Variants in IQCE observed in about 807,000 individuals in gnomAD.
IQCE encodes IQ domain-containing protein E.
Under a neutral mutation model 96.0 loss-of-function variants are expected in IQCE, and 115 were observed. That is an observed-to-expected ratio of 1.20 (90% CI 1.03 to 1.40). The LOEUF is 1.40. IQCE is among the 40% of genes most tolerant of loss of function. IQCE has a pLI of 0.00. For synonymous variants in IQCE, 412 were observed against 371.2 expected (o/e 1.11, Z -1.26); for missense variants, 1,041 against 909.1 (o/e 1.15, Z -1.87).
Position 2,578,209 on chromosome 7 carries a change from T to G in IQCE, c.466-33T>G, listed in dbSNP as rs200843660. 4.9e-4 allele frequency: 742 copies of G among 1,523,780 alleles called. 10 individuals are homozygous for G. The highest frequency in any genetic ancestry group is 9.4e-5 in the Non-Finnish European group (103 of 1,099,178). 94.4% of individuals were successfully genotyped at this position (1,523,780 alleles called of 1,614,324 possible). ...TGTGCGGCGTGTGCGCAGCTTCGTG[T>G]GGATGGCTGTGCATGGCCCTTGTTT... On this transcript the variant is annotated intron_variant, in intron 6 of 21. Transcript: ENST00000402050.
At position 2,594,873 on chromosome 7, in the gene IQCE, C is replaced by A; in HGVS notation, c.1350-13C>A. The stretch of plus-strand genomic sequence containing the variant: ...ACAGGTGAGGTGTCTCATCTTTTCC[C>A]TTTCCGCCTTAGAGAGGAGATTCAG... On this transcript the variant is annotated splice_polypyrimidine_tract_variant and intron_variant, in intron 15 of 21. Transcript: ENST00000402050. 2 of 1,597,488 alleles carry A rather than the reference C, an allele frequency of 1.3e-6. No individual in the cohort carries two copies. Among genetic ancestry groups the A allele is most frequent in the Non-Finnish European group, 1.7e-6 (2 of 1,164,840 alleles).
intron 2 of IQCE, among the ~76,000 whole-genome samples, chr7:2,568,096 C>T (rs1347945728): frequency 1.3e-5 from 2 of 152,192 alleles, no homozygotes; most frequent in Non-Finnish European, 2.9e-5. Flanking sequence ...CCCCAGGCCA[C>T]GGCACGACGG....
intron 14 of IQCE, among the ~76,000 whole-genome samples, chr7:2,592,775 C>T (rs78049712): frequency 8.3e-4 from 126 of 152,352 alleles, no homozygotes; most frequent in African/African-American, 2.7e-3. Context: ...GGCCTGATGG[C>T]AGGGCCTTCT....
chr7:2,610,053 C>G lies in IQCE; in HGVS notation c.1979C>G (p.Pro660Arg). The part of the protein sequence containing the change: ...PFLAALPDPS[P>R]SGPQALAPLP... The stretch of plus-strand genomic sequence containing the variant: ...TGGTTCATTTCTGCAGACCCCTCTC[C>G]CTCAGGGCCACAGGCCTTGGCACCT... The change falls in exon 22 of 22, where the codon CCC (proline) becomes CGC (arginine). Residue 660 changes from proline to arginine, a missense_variant. By Grantham distance (103) the Pro-to-Arg change is moderately radical. Coordinates refer to ENST00000402050, the MANE Select transcript of IQCE (RefSeq NM_152558.5). The G allele has an allele frequency of 6.3e-7, 1 of 1,592,330 alleles. No homozygotes were observed. Among genetic ancestry groups the G allele is most frequent in the Non-Finnish European group, 8.6e-7 (1 of 1,160,230 alleles).
chr7:2,594,467 G>A (rs1783862214), intron 15 of IQCE, among the ~76,000 whole-genome samples: 2 of 152,210 alleles, frequency 1.3e-5, no homozygotes, highest in Admixed American at 1.3e-4. Flanking sequence ...AGTGGTCCCT[G>A]CTTATTTATC....
At chr7:2,583,611 T>A (rs1269429789) in intron 9 of IQCE, 26 bp from the exon 10 acceptor site, 11 of 1,569,458 alleles carry the variant, frequency 7.0e-6, no homozygotes, top group Non-Finnish European at 9.6e-6. Context: ...GGCACATCCC[T>A]ATTAACGCTG....
Position 2,612,348 on chromosome 7 carries a change from C to T in IQCE, c.*2186C>T, listed in dbSNP as rs1190423211. The T allele has an allele frequency of 6.6e-6, 1 of 152,356 alleles. No individual in the cohort carries two copies. The highest frequency in any genetic ancestry group is 1.5e-5 in the Non-Finnish European group (1 of 68,136). The allele number at this position is 152,356 out of a possible 1,614,324, so 9.4% of individuals were successfully genotyped here. Reference sequence around the variant, plus strand: ...CAGTGTCCAGTGCTGGTCACCAGTCCCCTTTGCTGGGTACAGCCTGCCTGG... The same window carrying T: ...CAGTGTCCAGTGCTGGTCACCAGTCTCCTTTGCTGGGTACAGCCTGCCTGG... On this transcript the variant is annotated 3_prime_UTR_variant, in exon 22 of 22. Coordinates refer to ENST00000402050, the MANE Select transcript of IQCE (RefSeq NM_152558.5).
chr7:2,595,149 T>G (rs56272926), intron 16 of IQCE, among the ~76,000 whole-genome samples, 173 bp downstream of exon 16: 15,201 of 152,276 alleles, frequency 0.1, 1,049 homozygotes, highest in Non-Finnish European at 0.14. Context: ...AAGTCCGGGT[T>G]TTGGATTAAT....
intron 19 of IQCE, among the ~76,000 whole-genome samples, chr7:2,605,496 C>T (rs886130098): frequency 2.0e-5 from 3 of 151,922 alleles, no homozygotes; most frequent in East Asian, 1.9e-4. Context: ...GGCGGGCGCC[C>T]GCAGTCCCAG....
rs776375796 is a variant in IQCE at position 2,578,227 on chromosome 7, C to T, written c.466-15C>T. ...CTTCGTGTGGATGGCTGTGCATGGC[C>T]CTTGTTTTCTTCAGTCATTGCACGT... is the stretch of plus-strand genomic sequence containing the variant. On this transcript the variant is annotated splice_polypyrimidine_tract_variant and intron_variant, in intron 6 of 21. Transcript: ENST00000402050. 3 of 1,598,786 alleles carry T rather than the reference C, an allele frequency of 1.9e-6. No individual in the cohort carries two copies. Among genetic ancestry groups the T allele is most frequent in the East Asian group, 4.5e-5 (2 of 44,810 alleles).
chr7:2,578,001 C>T (rs1383864882), intron 6 of IQCE, among the ~76,000 whole-genome samples: 5 of 142,930 alleles, frequency 3.5e-5, no homozygotes, highest in African/African-American at 1.3e-4. Flanking sequence ...TGCGCATTGG[C>T]GTGTACTTGG....
At position 2,595,458 on chromosome 7, in the gene IQCE, C is replaced by T. The variant is rs542471150; in HGVS notation, c.1440+482C>T. Among the ~76,000 whole-genome samples the T allele has an allele frequency of 8.5e-5, 13 of 152,288 alleles. No homozygotes were observed. In the South Asian group the frequency reaches 1.9e-3, roughly 22 times the overall value. On this transcript the variant is annotated intron_variant, in intron 16 of 21. Coordinates refer to ENST00000402050, the MANE Select transcript of IQCE (RefSeq NM_152558.5). ...CTCCCTGCCGTCACTCAGCTGTGCA[C>T]GGGTTGAACGTGGAGTGACTGTTAG...
chr7:2,587,546 G>A (rs1783218834), intron 12 of IQCE, among the ~76,000 whole-genome samples: 1 of 152,164 alleles, frequency 6.6e-6, no homozygotes, highest in Non-Finnish European at 1.5e-5. Context: ...GATGAGAACT[G>A]TCTTAATGGC....
rs1784774642 is a variant in IQCE at position 2,605,814 on chromosome 7, AGTGCT to A, written c.1744-60_1744-56del. On this transcript the variant is annotated intron_variant, in intron 19 of 21. Coordinates refer to ENST00000402050, the MANE Select transcript of IQCE (RefSeq NM_152558.5). Reference sequence around the variant, plus strand: ...GACGCCCAGGGTGCCCTGGGGGTTGAGTGCTGGGAGCCAGCAGGGGGCTGCCAAAC... The same window carrying A: ...GACGCCCAGGGTGCCCTGGGGGTTGAGGGAGCCAGCAGGGGGCTGCCAAAC... The A allele has an allele frequency of 2.7e-5, 38 of 1,426,874 alleles. No individual in the cohort carries two copies. In the South Asian group the frequency reaches 5.2e-4, roughly 20 times the overall value. 88.4% of individuals were successfully genotyped at this position (1,426,874 alleles called of 1,614,324 possible). A position where few individuals can be genotyped will look rare whatever the true frequency, so the allele number is the denominator to read the frequency against.
chr7:2,563,475 C>T lies in IQCE; in HGVS notation c.37-3641C>T, dbSNP rs143561105. 8.4e-3 allele frequency among the ~76,000 whole-genome samples: 1,275 copies of T among 151,054 alleles called. 9 individuals carry two copies. Among genetic ancestry groups the T allele is most frequent in the Non-Finnish European group, 0.014 (924 of 67,778 alleles). Reference sequence around the variant, plus strand: ...TCCTGGGCTTTGAGTCCCAAAGTGCCGGGATTACAGGTGTGAGCCACCACG... The same window carrying T: ...TCCTGGGCTTTGAGTCCCAAAGTGCTGGGATTACAGGTGTGAGCCACCACG... On this transcript the variant is annotated intron_variant, in intron 1 of 21. Coordinates refer to ENST00000402050, the MANE Select transcript of IQCE (RefSeq NM_152558.5).
At chr7:2,564,025 T>C (rs528975719) in intron 1 of IQCE, among the ~76,000 whole-genome samples, 1 of 149,016 alleles carries the variant, frequency 6.7e-6, no homozygotes, top group African/African-American at 2.5e-5. Flanking sequence ...CTGGCCAACA[T>C]AGTGAAACCC....
At chr7:2,559,829 T>A (rs1209598138) in intron 1 of IQCE, among the ~76,000 whole-genome samples, 1 of 120,136 alleles carries the variant, frequency 8.3e-6, no homozygotes, top group Non-Finnish European at 1.6e-5. Flanking sequence ...TGTCAGAAAG[T>A]GAGAAGTGCT....
At chr7:2,608,221 G>A (rs564008447) in intron 21 of IQCE, among the ~76,000 whole-genome samples, 3 of 152,312 alleles carry the variant, frequency 2.0e-5, no homozygotes, top group South Asian at 4.1e-4. Context: ...GGGGGCCCGT[G>A]GCGGGCGGAG....
chr7:2,567,910 T>C (rs758444542), intron 2 of IQCE, among the ~76,000 whole-genome samples: 1 of 152,144 alleles, frequency 6.6e-6, no homozygotes, highest in Non-Finnish European at 1.5e-5. Flanking sequence ...TCCTCTGATG[T>C]TCCCCGGAGG....
Sources: gnomAD v4.1 joint callset for allele counts (sites outside exome capture counted in the v4.1 genomes callset) on GRCh38, gnomAD v4.1.1 for gene constraint, MANE v1.5 for transcripts, NCBI Gene and HGNC (gene_info 2026-07-23, HGNC 2026-07-21) for gene names.